The following ARHGEF3 variants were observed in gnomAD, a reference collection of about 807,000 sequenced individuals.
ARHGEF3 encodes the protein Rho guanine nucleotide exchange factor 3, also known as 59.8 kDA protein.
A neutral mutation model predicts 63.2 loss-of-function variants in ARHGEF3; 28 were observed. That is an observed-to-expected ratio of 0.44 (90% CI 0.33 to 0.61). The LOEUF (loss-of-function observed/expected upper bound fraction) is 0.61, where lower values mean the gene tolerates loss of function less well. Among genes scored for constraint, ARHGEF3 ranks in the 20% least tolerant of loss-of-function variants. ARHGEF3 has a pLI of 0.03. For missense variants in ARHGEF3, 533 were observed against 659.3 expected (o/e 0.81, Z 2.10); for synonymous variants, 266 against 254.2 (o/e 1.05, Z -0.44).
At chr3:56,922,641 C>T (rs2042173820) in intron 3 of ARHGEF3, among the ~76,000 whole-genome samples, 1 of 152,186 alleles carries the variant, frequency 6.6e-6, no homozygotes, top group Non-Finnish European at 1.5e-5. Flanking sequence ...AAAAGTTTCT[C>T]ACCATTATTT....
chr3:56,742,958 T>TA, intron 7 of ARHGEF3, among the ~76,000 whole-genome samples: 1 of 152,336 alleles, frequency 6.6e-6, no homozygotes, highest in South Asian at 2.1e-4. Flanking sequence ...TGCTCCATAT[T>TA]AAAAAGAAAT....
At chr3:56,994,064 C>CAAAAAAAAAAAAAAAAAAA (rs60299557) in intron 2 of ARHGEF3, among the ~76,000 whole-genome samples, 1,263 of 59,576 alleles carry the variant, frequency 0.021, 282 homozygotes, top group Non-Finnish European at 0.03. Context: ...AACTTCGTCT[C>CAAAAAAAAAAAAAAAAAAA]AAAAAAAAAA....
At chr3:57,029,424 C>A (rs139058534) in intron 2 of ARHGEF3, among the ~76,000 whole-genome samples, 8,592 of 146,154 alleles carry the variant, frequency 0.059, 862 homozygotes, top group African/African-American at 0.2. Flanking sequence ...AGCGAAACTC[C>A]GTCTCAAAAA....
intron 2 of ARHGEF3, among the ~76,000 whole-genome samples, chr3:56,988,917 T>C (rs546839693): frequency 2.5e-4 from 38 of 152,282 alleles, no homozygotes; most frequent in Middle Eastern, 3.4e-3. Context: ...GATGCGGGTG[T>C]TAAAATAATA....
chr3:56,993,157 A>G (rs1701831193), intron 2 of ARHGEF3, among the ~76,000 whole-genome samples: 1 of 152,100 alleles, frequency 6.6e-6, no homozygotes, highest in Non-Finnish European at 1.5e-5. Flanking sequence ...TTTAAATTCT[A>G]CAATAGGATG....
intron 2 of ARHGEF3, among the ~76,000 whole-genome samples, chr3:56,766,567 C>G (rs1419761910): frequency 1.3e-5 from 2 of 152,176 alleles, no homozygotes; most frequent in Non-Finnish European, 2.9e-5. Flanking sequence ...TTGAGCACAT[C>G]CTAAGTAATG....
intron 3 of ARHGEF3, chr3:56,938,824 T>C (rs1699034428): frequency 6.6e-6 from 1 of 152,264 alleles, no homozygotes; most frequent in Non-Finnish European, 1.5e-5. Context: ...TGTGAGTCTC[T>C]TGCTTGAAGT....
intron 3 of ARHGEF3, among the ~76,000 whole-genome samples, chr3:56,944,404 G>C (rs1249713952): frequency 6.6e-6 from 1 of 151,988 alleles, no homozygotes; most frequent in Non-Finnish European, 1.5e-5. Flanking sequence ...GACATTGAGG[G>C]GTTTAAGACT....
intron 8 of ARHGEF3, among the ~76,000 whole-genome samples, chr3:56,736,287 G>A (rs2033621612): frequency 6.6e-6 from 1 of 152,142 alleles, no homozygotes; most frequent in Non-Finnish European, 1.5e-5. Flanking sequence ...ACAGACAAAT[G>A]GAGAATTGCA....
At chr3:56,748,018 G>A (rs186940020) in intron 6 of ARHGEF3, among the ~76,000 whole-genome samples, 1 of 152,172 alleles carries the variant, frequency 6.6e-6, no homozygotes, top group Non-Finnish European at 1.5e-5. Flanking sequence ...GTAAGTACTA[G>A]CTATTATTAC....
chr3:56,802,410 TTTTTG>T (rs1188983994), upstream of ARHGEF3, among the ~76,000 whole-genome samples: 46 of 152,310 alleles, frequency 3.0e-4, no homozygotes, highest in African/African-American at 1.0e-3. Context: ...CTGCACGTTT[TTTTTG>T]TTTTGTTTTG....
At chr3:56,931,992 A>T (rs1191077148) in intron 3 of ARHGEF3, among the ~76,000 whole-genome samples, 1 of 152,122 alleles carries the variant, frequency 6.6e-6, no homozygotes, top group Non-Finnish European at 1.5e-5. Flanking sequence ...AAAGAAGACA[A>T]AATTCCTCCA....
At chr3:57,019,570 A>C (rs1703161576) in intron 2 of ARHGEF3, among the ~76,000 whole-genome samples, 2 of 152,320 alleles carry the variant, frequency 1.3e-5, no homozygotes, top group South Asian at 4.1e-4. Flanking sequence ...TGTGTGTCAG[A>C]TATATTTACA....
At chr3:56,943,097 C>T (rs528336227) in intron 3 of ARHGEF3, among the ~76,000 whole-genome samples, 1 of 152,188 alleles carries the variant, frequency 6.6e-6, no homozygotes, top group African/African-American at 2.4e-5. Flanking sequence ...CTATGATAAT[C>T]GACAAAGGTG....
At chr3:56,963,609 C>G (rs139867532) in intron 2 of ARHGEF3, among the ~76,000 whole-genome samples, 1 of 152,162 alleles carries the variant, frequency 6.6e-6, no homozygotes, top group Non-Finnish European at 1.5e-5. Context: ...ATCTTGCTAA[C>G]GAAACTTTTT....
intron 1 of ARHGEF3, among the ~76,000 whole-genome samples, chr3:56,791,602 C>T (rs1004745703): frequency 5.9e-5 from 9 of 152,086 alleles, no homozygotes; most frequent in Admixed American, 2.6e-4. Context: ...CTAACTTTAA[C>T]GGGGTTCACT....
intron 7 of ARHGEF3, among the ~76,000 whole-genome samples, chr3:56,742,922 TA>T (rs1189731676): frequency 6.6e-6 from 1 of 152,098 alleles, no homozygotes; most frequent in Non-Finnish European, 1.5e-5. Flanking sequence ...GGGTATTTTT[TA>T]AAAAAACAGA....
At chr3:56,744,318 AC>A (rs546341736) in intron 7 of ARHGEF3, among the ~76,000 whole-genome samples, 178 of 150,850 alleles carry the variant, frequency 1.2e-3, no homozygotes, top group African/African-American at 4.2e-3. Context: ...CATGATGTGC[AC>A]CCCATTTTTC....
At chr3:56,867,133 G>A (rs62251066) in intron 4 of ARHGEF3, among the ~76,000 whole-genome samples, 28,698 of 152,142 alleles carry the variant, frequency 0.19, 2,836 homozygotes, top group Admixed American at 0.27. Context: ...AAATATGTAT[G>A]TAGAGGAAGA....
Sources: allele counts gnomAD v4.1 joint callset (sites outside exome capture counted in the v4.1 genomes callset), GRCh38; gene constraint gnomAD v4.1.1; transcripts MANE v1.5; gene names NCBI Gene and HGNC (gene_info 2026-07-23, HGNC 2026-07-21).